Variants in FAM13B observed in about 807,000 individuals in gnomAD.
The protein encoded by FAM13B is family with sequence similarity 13 member B, also known as protein FAM13B.
Under a neutral mutation model 117.3 loss-of-function variants are expected in FAM13B, and 60 were observed. That is an observed-to-expected ratio of 0.51 (90% CI 0.42 to 0.63). FAM13B has a LOEUF of 0.63. Among genes scored for constraint, FAM13B ranks in the 30% least tolerant of loss-of-function variants. The pLI is 0.00. For synonymous variants in FAM13B, 332 were observed against 356.1 expected (o/e 0.93, Z 0.76); for missense variants, 972 against 1,091.9 (o/e 0.89, Z 1.55).
At chr5:137,965,145 G>A (rs1769308706) in intron 10 of FAM13B, among the ~76,000 whole-genome samples, 1 of 152,090 alleles carries the variant, frequency 6.6e-6, no homozygotes, top group African/African-American at 2.4e-5. Flanking sequence ...CTCCAGCCTG[G>A]GTGACAGAGC....
intron 10 of FAM13B, among the ~76,000 whole-genome samples, chr5:137,972,390 G>A (rs1196437580): frequency 6.6e-6 from 1 of 152,088 alleles, no homozygotes; most frequent in Middle Eastern, 3.2e-3. Flanking sequence ...TGCAGAAAAG[G>A]CCTTTGACAA....
intron 11 of FAM13B, 110 bp from the exon 12 acceptor site, chr5:137,960,324 T>C (rs935894049): frequency 1.9e-5 from 11 of 592,144 alleles, no homozygotes; most frequent in Non-Finnish European, 3.1e-5. Context: ...ATTTACAATG[T>C]GCGAGGAGAA....
intron 10 of FAM13B, among the ~76,000 whole-genome samples, chr5:137,984,895 G>A (rs917242760): frequency 3.3e-5 from 5 of 151,130 alleles, no homozygotes; most frequent in East Asian, 3.9e-4. Flanking sequence ...CAGCCTCCCC[G>A]GTAGCTGGGA....
At chr5:137,977,037 T>A (rs1774224244) in intron 10 of FAM13B, among the ~76,000 whole-genome samples, 1 of 152,094 alleles carries the variant, frequency 6.6e-6, no homozygotes, top group Non-Finnish European at 1.5e-5. Context: ...GCTGAATTCT[T>A]TTTCTCAGCA....
Position 137,985,370 on chromosome 5 carries a change from T to TATC in FAM13B, c.1063_1065dup (p.Asp355dup), listed in dbSNP as rs1433523641. ...CTGTTACTTTCACTGGCATTAATAA[T>TATC]ATCATCAGCAATATCAATCCTAGGG... On this transcript the variant is annotated inframe_insertion, in exon 10 of 24. Transcript: ENST00000689681. The TATC allele has an allele frequency of 6.2e-7, 1 of 1,613,834 alleles. No homozygotes were observed. The highest frequency in any genetic ancestry group is 8.5e-7 in the Non-Finnish European group (1 of 1,179,936).
At chr5:137,976,342 T>C (rs1032178432) in intron 10 of FAM13B, among the ~76,000 whole-genome samples, 2 of 152,284 alleles carry the variant, frequency 1.3e-5, no homozygotes, top group East Asian at 1.9e-4. Flanking sequence ...ATATTCATTC[T>C]CAACCATGAA....
chr5:137,948,733 T>G (rs1764109937), intron 18 of FAM13B, among the ~76,000 whole-genome samples: 1 of 152,194 alleles, frequency 6.6e-6, no homozygotes. Context: ...CCAACATAAA[T>G]GAACTCATCA....
At chr5:138,041,795 G>C (rs1005815024) in intron 1 of FAM13B, among the ~76,000 whole-genome samples, 1 of 151,814 alleles carries the variant, frequency 6.6e-6, no homozygotes, top group Admixed American at 6.6e-5. Flanking sequence ...GGGGTGGGGG[G>C]TGGTACTGAG....
In FAM13B at chr5:138,032,772, G is replaced by A. The variant is rs1165065761; in HGVS notation, c.-203+10C>T. ...CATGCGCAGATCCGGGTACCCGCCC[G>A]TTTACCTACCGTTGGAACCGCGATG... On this transcript the variant is annotated intron_variant, in intron 1 of 23. Coordinates refer to ENST00000689681, the MANE Select transcript of FAM13B (RefSeq NM_001385994.1). 6 of 985,700 alleles carry A rather than the reference G, an allele frequency of 6.1e-6. No homozygotes were observed. The highest frequency in any genetic ancestry group is 7.2e-6 in the Non-Finnish European group (6 of 829,966). The allele number at this position is 985,700 out of a possible 1,614,324, so 61.1% of individuals were successfully genotyped here. A position where few individuals can be genotyped will look rare whatever the true frequency, so the allele number is the denominator to read the frequency against.
chr5:137,965,356 A>T (rs1330365061), intron 10 of FAM13B, among the ~76,000 whole-genome samples: 1 of 152,146 alleles, frequency 6.6e-6, no homozygotes, highest in African/African-American at 2.4e-5. Flanking sequence ...CAGCAGCAGG[A>T]GGAGCAGCAG....
Position 137,949,235 on chromosome 5 carries a change from C to G in FAM13B, c.1931-51G>C, listed in dbSNP as rs113292467. ...CAGTAATAATTGGTTTTAGCTTTGA[C>G]CGGGTCAAAGAATAAGCAAAATACA... On this transcript the variant is annotated intron_variant, in intron 17 of 23. Coordinates refer to ENST00000689681, the MANE Select transcript of FAM13B (RefSeq NM_001385994.1). The G allele has an allele frequency of 2.7e-4, 396 of 1,452,050 alleles. 1 individual carries two copies. The African/African-American group carries it at 4.5e-3, about 16-fold the overall frequency. The allele number at this position is 1,452,050 out of a possible 1,614,324, so 89.9% of individuals were successfully genotyped here.
intron 20 of FAM13B, among the ~76,000 whole-genome samples, 175 bp from the exon 21 acceptor site, chr5:137,943,391 C>T (rs1309054425): frequency 6.6e-6 from 1 of 151,998 alleles, no homozygotes; most frequent in African/African-American, 2.4e-5. Context: ...TATTTATGCA[C>T]AAGGAAGATA....
chr5:137,956,655 A>G, intron 13 of FAM13B, 113 bp from the exon 14 acceptor site: 1 of 536,526 alleles, frequency 1.9e-6, no homozygotes, highest in Non-Finnish European at 3.0e-6. Flanking sequence ...CCCTAAAACC[A>G]GTTAGGCATT....
upstream of FAM13B, chr5:138,036,298 C>T: frequency 2.4e-6 from 1 of 413,918 alleles, no homozygotes; most frequent in Non-Finnish European, 4.9e-6. Flanking sequence ...CATGGTGCTG[C>T]TGTGTTAGCC....
At chr5:138,044,209 A>G (rs1791579120) in intron 1 of FAM13B, among the ~76,000 whole-genome samples, 1 of 152,170 alleles carries the variant, frequency 6.6e-6, no homozygotes, top group Admixed American at 6.5e-5. Context: ...GATTACAAGC[A>G]TGAGCCACTG....
At chr5:137,947,017 C>A (rs1763620244) in intron 18 of FAM13B, among the ~76,000 whole-genome samples, 1 of 152,180 alleles carries the variant, frequency 6.6e-6, no homozygotes, top group African/African-American at 2.4e-5. Context: ...GCAGAGTAAG[C>A]AATGCTTCCC....
At chr5:137,984,767 T>C (rs900871716) in intron 10 of FAM13B, among the ~76,000 whole-genome samples, 1 of 91,234 alleles carries the variant, frequency 1.1e-5, no homozygotes, top group Non-Finnish European at 2.5e-5. Flanking sequence ...AAATAAGTTG[T>C]TTTTTTTTTT....
In FAM13B at chr5:137,985,360, G is replaced by T. The variant is rs753059818; in HGVS notation, c.1076C>A (p.Ala359Asp). The T allele has an allele frequency of 6.2e-7, 1 of 1,613,602 alleles. No homozygotes were observed. The highest frequency in any genetic ancestry group is 2.2e-5 in the East Asian group (1 of 44,840). The change falls in exon 10 of 24, where the codon GCC becomes GAC. Residue 359 changes from alanine (A) to aspartate (D), a missense_variant. Transcript: ENST00000689681. ...TGAACAGTCTCTGTTACTTTCACTG[G>T]CATTAATAATATCATCAGCAATATC... The part of the protein sequence containing the change: ...QIDIADDIIN[A>D]SESNRDCSKP...
chr5:137,985,663 A>C (rs1363896597), intron 9 of FAM13B, among the ~76,000 whole-genome samples: 1 of 151,950 alleles, frequency 6.6e-6, no homozygotes, highest in South Asian at 2.1e-4. Context: ...GGGCCGAAAT[A>C]ATCATTTCCC....
Sources: gnomAD v4.1 joint callset for allele counts (sites outside exome capture counted in the v4.1 genomes callset) on GRCh38, gnomAD v4.1.1 for gene constraint, MANE v1.5 for transcripts, NCBI Gene and HGNC (gene_info 2026-07-23, HGNC 2026-07-21) for gene names.